Variants in LRRC4C observed in about 807,000 individuals in gnomAD.
LRRC4C encodes the protein leucine rich repeat containing 4C.
Under a neutral mutation model 33.6 loss-of-function variants are expected in LRRC4C, and 5 were observed. That is an observed-to-expected ratio of 0.15 (90% CI 0.08 to 0.31). LRRC4C has a LOEUF of 0.31. Among genes scored for constraint, LRRC4C ranks in the 10% least tolerant of loss-of-function variants. LRRC4C has a pLI of 1.00. For synonymous variants in LRRC4C, 329 were observed against 302.0 expected, an observed-to-expected ratio of 1.09 and a Z score of -0.93; for missense variants, 560 against 796.7, an observed-to-expected ratio of 0.70 and a Z score of 3.58.
chr11:41,093,948 A>AC (rs1940621166), intron 1 of LRRC4C, among the ~76,000 whole-genome samples: 3 of 150,034 alleles, frequency 2.0e-5, no homozygotes, highest in African/African-American at 4.9e-5. Flanking sequence ...AAAAAAAAAA[A>AC]AACACACAAA....
At chr11:40,842,454 C>T (rs1952954797) in intron 2 of LRRC4C, among the ~76,000 whole-genome samples, 1 of 152,034 alleles carries the variant, frequency 6.6e-6, no homozygotes. Flanking sequence ...TTATTGTATA[C>T]ATGTTTTTAA....
chr11:40,450,276 T>A (rs1951824442), intron 3 of LRRC4C, among the ~76,000 whole-genome samples: 1 of 152,186 alleles, frequency 6.6e-6, no homozygotes. Flanking sequence ...TAAACAGACT[T>A]CTAGGCAACA....
intron 2 of LRRC4C, among the ~76,000 whole-genome samples, chr11:40,909,986 C>T (rs948585272): frequency 6.6e-6 from 1 of 151,886 alleles, no homozygotes; most frequent in African/African-American, 2.4e-5. Flanking sequence ...CCTATTTTTC[C>T]TTCATGTCTT....
chr11:40,773,401 CAG>C (rs1949843890), intron 2 of LRRC4C, among the ~76,000 whole-genome samples: 1 of 152,000 alleles, frequency 6.6e-6, no homozygotes, highest in Admixed American at 6.6e-5. Context: ...CTTGGGGTAA[CAG>C]ATATTCCATA....
intron 1 of LRRC4C, among the ~76,000 whole-genome samples, chr11:41,092,025 C>A (rs909978790): frequency 6.6e-6 from 1 of 151,942 alleles, no homozygotes; most frequent in South Asian, 2.1e-4. Flanking sequence ...ATAGTAGAAG[C>A]CCCTGGGTGG....
intron 1 of LRRC4C, among the ~76,000 whole-genome samples, chr11:41,168,498 T>C (rs1030234749): frequency 1.3e-5 from 2 of 152,164 alleles, no homozygotes; most frequent in African/African-American, 4.8e-5. Context: ...ATCTAAGAAT[T>C]GTTTTCAATC....
intron 1 of LRRC4C, among the ~76,000 whole-genome samples, chr11:41,102,416 G>A (rs967159655): frequency 6.6e-6 from 1 of 151,988 alleles, no homozygotes; most frequent in Non-Finnish European, 1.5e-5. Flanking sequence ...TTCCACTGAG[G>A]TGTGTTTTCC....
chr11:40,288,622 G>C (rs543638603), intron 4 of LRRC4C, among the ~76,000 whole-genome samples: 4 of 152,242 alleles, frequency 2.6e-5, no homozygotes, highest in Non-Finnish European at 4.4e-5. Context: ...CACTGGTGTG[G>C]GAAGATTTGC....
At chr11:40,508,298 T>G (rs1206189350) in intron 3 of LRRC4C, among the ~76,000 whole-genome samples, 2 of 152,168 alleles carry the variant, frequency 1.3e-5, no homozygotes, top group Non-Finnish European at 2.9e-5. Flanking sequence ...ATTTCTGTAG[T>G]TACTTTTTGC....
At chr11:40,504,403 A>G (rs1954931245) in intron 3 of LRRC4C, among the ~76,000 whole-genome samples, 1 of 152,072 alleles carries the variant, frequency 6.6e-6, no homozygotes, top group African/African-American at 2.4e-5. Flanking sequence ...GGTCATAATT[A>G]TCCATCCTCA....
At chr11:41,170,156 T>C (rs1051385801) in intron 1 of LRRC4C, among the ~76,000 whole-genome samples, 6 of 152,162 alleles carry the variant, frequency 3.9e-5, no homozygotes, top group African/African-American at 1.4e-4. Context: ...ACTATCAAGA[T>C]AGACTAGATA....
chr11:41,311,280 T>C (rs750306673), intron 1 of LRRC4C, among the ~76,000 whole-genome samples: 13 of 152,316 alleles, frequency 8.5e-5, no homozygotes, highest in Non-Finnish European at 1.3e-4. Context: ...TTCTCAGTGC[T>C]GATGAGTCTT....
Position 40,659,383 on chromosome 11 carries a change from C to A in LRRC4C, c.-406-11105G>T, listed in dbSNP as rs11036000. ...GGTTCCCAGGCAGAAAGGAGGGGGT[C>A]CCTGGTGAAACCCTACCTTCAAGCC... On this transcript the variant is annotated intron_variant, in intron 2 of 6. Transcript: ENST00000528697. Among the ~76,000 whole-genome samples, 2 of 152,042 alleles carry A rather than the reference C, an allele frequency of 1.3e-5. 1 individual carries two copies. Among genetic ancestry groups the A allele is most frequent in the East Asian group, 3.9e-4 (2 of 5,098 alleles).
In LRRC4C at chr11:41,265,599, CAGAAAG is replaced by C. The variant is rs545715371; in HGVS notation, c.-496+193826_-496+193831del. 6.1e-4 allele frequency among the ~76,000 whole-genome samples: 93 copies of C among 152,056 alleles called. No individual in the cohort carries two copies. In the Middle Eastern group the frequency reaches 0.01, roughly 17 times the overall value. On this transcript the variant is annotated intron_variant, in intron 1 of 6. Transcript: ENST00000528697. The stretch of plus-strand genomic sequence containing the variant: ...AGAGAAAAAGAAAGAAGGGAAGAAT[CAGAAAG>C]AAAAAGAGATGGGGAAAAACCTAGT...
chr11:40,527,373 T>C (rs772255425), intron 3 of LRRC4C, among the ~76,000 whole-genome samples: 17 of 152,286 alleles, frequency 1.1e-4, no homozygotes, highest in South Asian at 4.1e-4. Flanking sequence ...ATTTATTTCC[T>C]TTGCAAAATA....
chr11:40,654,156 T>C (rs6485218), intron 2 of LRRC4C, among the ~76,000 whole-genome samples: 86,790 of 151,672 alleles, frequency 0.57, 25,499 homozygotes, highest in East Asian at 0.71. Flanking sequence ...GCAGTGTGGA[T>C]GGGAAATGTG....
intron 3 of LRRC4C, among the ~76,000 whole-genome samples, chr11:40,535,653 T>C (rs72883466): frequency 0.081 from 12,351 of 152,262 alleles, 1,405 homozygotes; most frequent in African/African-American, 0.25. Flanking sequence ...TTGATTTAGA[T>C]TTGTACTGGG....
At chr11:40,559,711 T>G (rs1291071347) in intron 3 of LRRC4C, among the ~76,000 whole-genome samples, 2 of 152,186 alleles carry the variant, frequency 1.3e-5, no homozygotes, top group Non-Finnish European at 2.9e-5. Context: ...GGTTTGACTT[T>G]TAAAAAACTC....
chr11:41,416,769 A>T (rs184220755), intron 1 of LRRC4C, among the ~76,000 whole-genome samples: 62 of 152,122 alleles, frequency 4.1e-4, no homozygotes, highest in Non-Finnish European at 6.6e-4. Flanking sequence ...ATATCTACCT[A>T]ACTACTTCAT....
Sources: allele counts gnomAD v4.1 joint callset (sites outside exome capture counted in the v4.1 genomes callset), GRCh38; gene constraint gnomAD v4.1.1; transcripts MANE v1.5; gene names NCBI Gene and HGNC (gene_info 2026-07-23, HGNC 2026-07-21).